Variants in HERC3 observed in about 807,000 individuals in gnomAD.
The protein encoded by HERC3 is HECT and RLD domain containing E3 ubiquitin protein ligase 3.
A neutral mutation model predicts 129.9 loss-of-function variants in HERC3; 58 were observed. The ratio of observed to expected loss-of-function variants is 0.45; its 90% CI spans 0.36 to 0.56. HERC3 has a LOEUF of 0.56. Among genes scored for constraint, HERC3 ranks in the 20% least tolerant of loss-of-function variants. The pLI is 0.00. For missense variants in HERC3, 835 were observed against 1,244.2 expected, an observed-to-expected ratio of 0.67 and a Z score of 4.95; for synonymous variants, 430 against 451.0, an observed-to-expected ratio of 0.95 and a Z score of 0.59.
chr4:88,558,078 A>AAAAAAAAAAAAAAAAAAAAAAAAAAAAAC, the HERC3 span, among the ~76,000 whole-genome samples: 1 of 136,070 alleles, frequency 7.3e-6, no homozygotes, highest in Non-Finnish European at 1.5e-5. Flanking sequence ...ACTCAAAAAA[A>AAAAAAAAAAAAAAAAAAAAAAAAAAAAAC]AAAAAAAAAA....
At chr4:88,573,982 C>G in the HERC3 span, among the ~76,000 whole-genome samples, 1 of 152,200 alleles carries the variant, frequency 6.6e-6, no homozygotes. Flanking sequence ...CCTTCTTTCT[C>G]CCTCTCTGCC....
chr4:88,525,747 A>G, the HERC3 span, among the ~76,000 whole-genome samples: 2 of 152,240 alleles, frequency 1.3e-5, no homozygotes, highest in South Asian at 4.1e-4. Context: ...TTAAGTTGCA[A>G]CATATCAAAG....
chr4:88,690,089 T>G (rs1282397664), intron 23 of HERC3: 2 of 985,202 alleles, frequency 2.0e-6, no homozygotes, highest in Non-Finnish European at 2.4e-6. Flanking sequence ...TTATCTTGGC[T>G]CTAGAAACCT....
the HERC3 span, among the ~76,000 whole-genome samples, chr4:88,526,086 A>G: frequency 1.3e-5 from 2 of 152,256 alleles, no homozygotes; most frequent in Non-Finnish European, 2.9e-5. Context: ...AAAACAATTC[A>G]AGTAAAACAG....
chr4:88,597,456 A>T (rs983853410), intron 2 of HERC3, among the ~76,000 whole-genome samples: 2 of 152,256 alleles, frequency 1.3e-5, no homozygotes, highest in African/African-American at 4.8e-5. Flanking sequence ...TCATATGCCC[A>T]GCAGTGAAAT....
the HERC3 span, among the ~76,000 whole-genome samples, chr4:88,538,450 T>G: frequency 6.6e-6 from 1 of 152,192 alleles, no homozygotes; most frequent in African/African-American, 2.4e-5. Flanking sequence ...GCAGGTTTGG[T>G]TTCTTCTAAG....
At chr4:88,596,440 G>A (rs1335066041) in intron 2 of HERC3, among the ~76,000 whole-genome samples, 2 of 152,166 alleles carry the variant, frequency 1.3e-5, no homozygotes, top group African/African-American at 4.8e-5. Context: ...TACAAGTTGA[G>A]GTGGTGGAAA....
At chr4:88,680,937 G>T (rs1732709328) in intron 20 of HERC3, 1 of 792,052 alleles carries the variant, frequency 1.3e-6, no homozygotes. Context: ...ATGACTGTGA[G>T]CTGTTCTCTG....
chr4:88,647,117 G>A (rs1312945491), intron 3 of HERC3, among the ~76,000 whole-genome samples: 1 of 152,146 alleles, frequency 6.6e-6, no homozygotes, highest in African/African-American at 2.4e-5. Context: ...GAATTGGTTT[G>A]CCTAGAGATT....
chr4:88,648,662 G>C (rs1023341098), intron 3 of HERC3, among the ~76,000 whole-genome samples: 1 of 151,902 alleles, frequency 6.6e-6, no homozygotes, highest in Non-Finnish European at 1.5e-5. Context: ...TTCTACAGTA[G>C]GTATTTTGTT....
At chr4:88,593,683 G>A (rs1578127359) in intron 1 of HERC3, among the ~76,000 whole-genome samples, 1 of 152,206 alleles carries the variant, frequency 6.6e-6, no homozygotes, top group South Asian at 2.1e-4. Context: ...CCATTTGTAT[G>A]TGTCTTCTGG....
chr4:88,676,010 G>T (rs777663316), intron 16 of HERC3, among the ~76,000 whole-genome samples: 4 of 152,130 alleles, frequency 2.6e-5, no homozygotes, highest in Admixed American at 6.5e-5. Context: ...ATAAGAAAAT[G>T]TTTTTTAATT....
the HERC3 span, among the ~76,000 whole-genome samples, chr4:88,572,798 A>ACC: frequency 6.9e-6 from 1 of 145,812 alleles, no homozygotes. Flanking sequence ...ATAGAGCAAG[A>ACC]CTGTCTCAAA....
the HERC3 span, chr4:88,523,942 C>G: frequency 1.2e-5 from 6 of 491,906 alleles, no homozygotes; most frequent in African/African-American, 1.2e-4. Flanking sequence ...GGTGAGTGCC[C>G]CGCCGCCTTA....
At chr4:88,588,375 T>G (rs986639496), upstream of HERC3, among the ~76,000 whole-genome samples, 12 of 152,226 alleles carry the variant, frequency 7.9e-5, no homozygotes, top group African/African-American at 2.9e-4. Flanking sequence ...TACAGGACAG[T>G]TTTTAATAAG....
chr4:88,697,734 C>T (rs1734793925), intron 23 of HERC3: 1 of 1,610,060 alleles, frequency 6.2e-7, no homozygotes, highest in Non-Finnish European at 8.5e-7. Context: ...CCGCAGGCCC[C>T]TGGTTTTCCG....
At chr4:88,564,363 T>A in the HERC3 span, among the ~76,000 whole-genome samples, 1 of 152,224 alleles carries the variant, frequency 6.6e-6, no homozygotes, top group Admixed American at 6.5e-5. Context: ...TATTAGTTCT[T>A]CCTTAAGTGT....
intron 3 of HERC3, among the ~76,000 whole-genome samples, chr4:88,635,793 C>G (rs1045979791): frequency 6.6e-6 from 1 of 152,138 alleles, no homozygotes; most frequent in African/African-American, 2.4e-5. Flanking sequence ...AGACTAACAG[C>G]AGACCTCTCA....
intron 3 of HERC3, among the ~76,000 whole-genome samples, chr4:88,638,795 C>T (rs544941650): frequency 2.8e-4 from 43 of 152,214 alleles, no homozygotes; most frequent in East Asian, 1.2e-3. Context: ...GAGAGGAAGT[C>T]GAATTGTCTC....
Sources: allele counts gnomAD v4.1 joint callset (sites outside exome capture counted in the v4.1 genomes callset), GRCh38; gene constraint gnomAD v4.1.1; transcripts MANE v1.5; gene names NCBI Gene and HGNC (gene_info 2026-07-23, HGNC 2026-07-21).